MN1: variants seen among roughly 807,000 people sequenced by gnomAD.
MN1 encodes the protein transcriptional activator MN1.
In MN1, 19 loss-of-function variants were observed where a neutral mutation model predicts 86.9. The observed-to-expected ratio is 0.22, with a 90% CI of 0.15 to 0.32. MN1 has a LOEUF of 0.32. Ranked by LOEUF, MN1 falls within the 10% of genes least tolerant of loss-of-function variation. The pLI, the probability that MN1 is intolerant of heterozygous loss-of-function variation, is 1.00. For synonymous variants in MN1, 928 were observed against 849.6 expected (o/e 1.09, Z -1.60); for missense variants, 1,841 against 1,862.0 (o/e 0.99, Z 0.21).
At chr22:27,767,567 C>T (rs1018480039) in intron 1 of MN1, among the ~76,000 whole-genome samples, 2 of 152,152 alleles carry the variant, frequency 1.3e-5, no homozygotes, top group Non-Finnish European at 2.9e-5. Flanking sequence ...CAAGTGCCAG[C>T]AATTTCCTCC....
chr22:27,774,449 C>A (rs182113681), intron 1 of MN1, among the ~76,000 whole-genome samples: 1 of 152,180 alleles, frequency 6.6e-6, no homozygotes, highest in Non-Finnish European at 1.5e-5. Flanking sequence ...AGCCCCAGGT[C>A]GGAGGTCCAC....
intron 1 of MN1, among the ~76,000 whole-genome samples, chr22:27,767,766 G>A (rs948133868): frequency 6.6e-6 from 1 of 152,086 alleles, no homozygotes; most frequent in Non-Finnish European, 1.5e-5. Flanking sequence ...GGAGGTGTTG[G>A]TTAAGGGTTT....
In MN1 at chr22:27,796,951, T is replaced by C. The variant is rs776285358; in HGVS notation, c.3593A>G (p.Glu1198Gly). ...CGCCTCGGAGCAGCAGCTGCCCAGC[T>C]CGCTGTCGCCATTCTGCGCCCCTGA... ...GASGAQNGDS[E>G]LGSCCSEAVK... Residue 1198 changes from glutamate to glycine, a missense_variant, in exon 1 of 2, where the codon GAG (glutamate) becomes GGG (glycine). By Grantham distance (98) the Glu-to-Gly change is moderately conservative. Transcript: ENST00000302326. 13 of 1,612,330 alleles carry C rather than the reference T, an allele frequency of 8.1e-6. No homozygotes were observed. Among genetic ancestry groups the C allele is most frequent in the Middle Eastern group, 1.6e-4 (1 of 6,072 alleles).
chr22:27,792,342 ATATATATAT>A (rs1568980727), intron 1 of MN1, among the ~76,000 whole-genome samples: 9 of 139,746 alleles, frequency 6.4e-5, no homozygotes, highest in Middle Eastern at 3.8e-3. Context: ...ATATATATAT[ATATATATAT>A]GAATATATAA....
In MN1 at chr22:27,800,526, T is replaced by C; in HGVS notation, c.18A>G (p.Gln6=). Residue 6 remains glutamine (Q), a synonymous_variant, in exon 1 of 2, where the codon CAA becomes CAG. Transcript: ENST00000302326. ...TCCTGCTGTTGACCTGGGGCTCGAA[T>C]TGGTCCAGCCCAAACATACTTGGCG... MFGLD[Q]FEPQVNSRNA... 1 of 1,614,152 alleles carries C rather than the reference T, an allele frequency of 6.2e-7. No homozygotes were observed. Among genetic ancestry groups the C allele is most frequent in the Non-Finnish European group, 8.5e-7 (1 of 1,180,022 alleles).
At chr22:27,779,922 G>C (rs2068647183) in intron 1 of MN1, among the ~76,000 whole-genome samples, 1 of 152,148 alleles carries the variant, frequency 6.6e-6, no homozygotes, top group Admixed American at 6.5e-5. Flanking sequence ...GGCCTGCCCA[G>C]CTCAGGGAGC....
At chr22:27,796,609 T>C (rs902326644) in intron 1 of MN1, among the ~76,000 whole-genome samples, 154 bp downstream of exon 1, 1 of 151,844 alleles carries the variant, frequency 6.6e-6, no homozygotes, top group Non-Finnish European at 1.5e-5. Flanking sequence ...CAGCCCTTGG[T>C]GTAAGCAAAG....
At chr22:27,757,440 C>G in intron 1 of MN1, among the ~76,000 whole-genome samples, 1 of 152,146 alleles carries the variant, frequency 6.6e-6, no homozygotes, top group East Asian at 1.9e-4. Context: ...TAGAAGCTGC[C>G]GAGGCTGGGG....
chr22:27,793,941 C>T (rs1219239439), intron 1 of MN1, among the ~76,000 whole-genome samples: 2 of 151,982 alleles, frequency 1.3e-5, no homozygotes, highest in East Asian at 3.9e-4. Context: ...TGTTTTACGG[C>T]GTGACAAAAT....
intron 1 of MN1, among the ~76,000 whole-genome samples, chr22:27,785,481 T>A (rs1402810963): frequency 6.6e-6 from 1 of 152,198 alleles, no homozygotes; most frequent in East Asian, 1.9e-4. Flanking sequence ...TTCCAAAAAG[T>A]TTTTTTAAAG....
chr22:27,760,926 A>G (rs752321575), intron 1 of MN1, among the ~76,000 whole-genome samples: 2 of 152,180 alleles, frequency 1.3e-5, no homozygotes, highest in Non-Finnish European at 2.9e-5. Flanking sequence ...AATGACTCCA[A>G]CACCCAGAGG....
chr22:27,759,886 C>T (rs1003569282), intron 1 of MN1, among the ~76,000 whole-genome samples: 3 of 152,228 alleles, frequency 2.0e-5, no homozygotes, highest in Non-Finnish European at 2.9e-5. Context: ...ATATACAACC[C>T]TCCCCCCAAA....
chr22:27,753,552 C>A (rs1387401792), intron 1 of MN1, among the ~76,000 whole-genome samples: 2 of 152,234 alleles, frequency 1.3e-5, no homozygotes, highest in African/African-American at 4.8e-5. Flanking sequence ...AGCCCCACTA[C>A]TTCCTGGGGC....
At chr22:27,786,842 G>GCGCACACA (rs112383664) in intron 1 of MN1, among the ~76,000 whole-genome samples, 24 of 140,684 alleles carry the variant, frequency 1.7e-4, no homozygotes, top group African/African-American at 6.0e-4. Flanking sequence ...ATGCCCGTGC[G>GCGCACACA]CACACACACA....
Position 27,798,746 on chromosome 22 carries a change from G to C in MN1, c.1798C>G (p.Gln600Glu). The C allele has an allele frequency of 6.5e-7, 1 of 1,535,018 alleles. No homozygotes were observed. Among genetic ancestry groups the C allele is most frequent in the Non-Finnish European group, 8.7e-7 (1 of 1,146,220 alleles). ...CCGCCTTCGCGCTCAAAGTTCGGCT[G>C]GGCCAAGCCGCCCACCGGGCCGCCA... ...VHGGPVGGLA[Q>E]PNFEREGGST... The change falls in exon 1 of 2, where the codon CAG becomes GAG. Residue 600 changes from glutamine to glutamate, a missense_variant. Physicochemically the swap from Gln to Glu is conservative, Grantham distance 29. Coordinates refer to ENST00000302326, the MANE Select transcript of MN1 (RefSeq NM_002430.3).
chr22:27,770,452 T>C (rs1366017915), intron 1 of MN1, among the ~76,000 whole-genome samples: 1 of 90,662 alleles, frequency 1.1e-5, no homozygotes, highest in Non-Finnish European at 2.0e-5. Context: ...CAGAGAATCA[T>C]GTGGATTCAG....
chr22:27,788,426 G>T (rs1933166545), intron 1 of MN1, among the ~76,000 whole-genome samples: 1 of 152,110 alleles, frequency 6.6e-6, no homozygotes. Flanking sequence ...GCTTTCTCTG[G>T]AAGACTGAGC....
chr22:27,781,670 C>A (rs933949108), intron 1 of MN1, among the ~76,000 whole-genome samples: 1 of 152,172 alleles, frequency 6.6e-6, no homozygotes, highest in African/African-American at 2.4e-5. Flanking sequence ...CCACAGCAAC[C>A]CTCTGAGAGG....
chr22:27,757,408 G>A (rs973010134), intron 1 of MN1, among the ~76,000 whole-genome samples: 1 of 152,238 alleles, frequency 6.6e-6, no homozygotes, highest in Non-Finnish European at 1.5e-5. Context: ...CCATGGGGCA[G>A]TTTCTTCATC....
Sources: allele counts gnomAD v4.1 joint callset (sites outside exome capture counted in the v4.1 genomes callset), GRCh38; gene constraint gnomAD v4.1.1; transcripts MANE v1.5; gene names NCBI Gene and HGNC (gene_info 2026-07-23, HGNC 2026-07-21).